The following VOPP1 variants were observed in gnomAD, a reference collection of about 807,000 sequenced individuals.
The protein encoded by VOPP1 is WW domain binding protein VOPP1.
A neutral mutation model predicts 23.5 loss-of-function variants in VOPP1; 8 were observed. The observed-to-expected ratio is 0.34, with a 90% confidence interval of 0.20 to 0.61. The LOEUF (loss-of-function observed/expected upper bound fraction) is 0.61, where lower values mean the gene tolerates loss of function less well. Among genes scored for constraint, VOPP1 ranks in the 20% least tolerant of loss-of-function variants. VOPP1 has a pLI of 0.78. For missense variants in VOPP1, 174 were observed against 238.1 expected, an observed-to-expected ratio of 0.73 and a Z score of 1.77; for synonymous variants, 83 against 97.3, an observed-to-expected ratio of 0.85 and a Z score of 0.86.
At chr7:55,454,839 TATC>T (rs1791327464) in intron 4 of VOPP1, among the ~76,000 whole-genome samples, 1 of 152,150 alleles carries the variant, frequency 6.6e-6, no homozygotes, top group Admixed American at 6.5e-5. Flanking sequence ...CCACAGCCAA[TATC>T]ATACTGAATG....
intron 1 of VOPP1, among the ~76,000 whole-genome samples, chr7:55,548,381 C>T (rs75364776): frequency 3.8e-4 from 58 of 152,350 alleles, no homozygotes; most frequent in African/African-American, 1.3e-3. Context: ...AGTGGCTGAC[C>T]GCCTGGTCCT....
intron 4 of VOPP1, among the ~76,000 whole-genome samples, chr7:55,437,392 C>T (rs772390633): frequency 4.7e-4 from 72 of 152,250 alleles, no homozygotes; most frequent in Non-Finnish European, 9.4e-4. Context: ...CATAGTTTGA[C>T]TGCTTAAAGG....
chr7:55,508,679 C>A (rs1049000274), intron 2 of VOPP1, among the ~76,000 whole-genome samples: 5 of 152,156 alleles, frequency 3.3e-5, no homozygotes, highest in Non-Finnish European at 7.4e-5. Context: ...TCCTGAAAAA[C>A]AATCCTCCTA....
At chr7:55,570,722 A>G (rs1433756612) in intron 1 of VOPP1, among the ~76,000 whole-genome samples, 3 of 152,262 alleles carry the variant, frequency 2.0e-5, no homozygotes, top group African/African-American at 7.2e-5. Context: ...CGGGCGGATC[A>G]CCTGAGGTCA....
chr7:55,460,881 G>T (rs1360783360), intron 4 of VOPP1, among the ~76,000 whole-genome samples: 3 of 152,136 alleles, frequency 2.0e-5, no homozygotes, highest in African/African-American at 7.2e-5. Context: ...TACAAGTGAA[G>T]TGAGTTTCTT....
intron 2 of VOPP1, among the ~76,000 whole-genome samples, chr7:55,499,980 A>T (rs149806357): frequency 6.6e-6 from 1 of 152,208 alleles, no homozygotes; most frequent in Non-Finnish European, 1.5e-5. Context: ...CAGTCGAGGG[A>T]GATGAAGGAC....
Position 55,512,024 on chromosome 7 carries a change from CT to C in VOPP1, c.113+9047del, listed in dbSNP as rs1795102080. On this transcript the variant is annotated intron_variant, in intron 2 of 4. Coordinates refer to ENST00000285279, the MANE Select transcript of VOPP1 (RefSeq NM_030796.5). Reference sequence around the variant, plus strand: ...AAAAACTCCTAAATATAGACACTACCTGTATAAATGAATGATGAGGCATCCC... The same window carrying C: ...AAAAACTCCTAAATATAGACACTACCGTATAAATGAATGATGAGGCATCCC... 2.0e-5 allele frequency among the ~76,000 whole-genome samples: 3 copies of C among 152,172 alleles called. No homozygotes were observed. In the South Asian group the frequency reaches 6.2e-4, roughly 32 times the overall value.
intron 4 of VOPP1, among the ~76,000 whole-genome samples, chr7:55,490,254 C>T (rs1793469798): frequency 6.6e-6 from 1 of 152,090 alleles, no homozygotes; most frequent in Non-Finnish European, 1.5e-5. Context: ...CAGTGGCCAG[C>T]AGGCACTGCT....
intron 2 of VOPP1, among the ~76,000 whole-genome samples, chr7:55,513,270 G>A (rs552134048): frequency 6.7e-4 from 102 of 152,290 alleles, no homozygotes; most frequent in Middle Eastern, 3.4e-3. Flanking sequence ...CCTCCCACTT[G>A]AGTGGTGCTC....
At chr7:55,572,226 T>A in intron 1 of VOPP1, 45 bp downstream of exon 1, 1 of 1,475,914 alleles carries the variant, frequency 6.8e-7, no homozygotes, top group Non-Finnish European at 9.0e-7. Context: ...GCCGCCAGCA[T>A]GGTGGGCGCC....
chr7:55,441,310 T>G (rs1790959438), intron 4 of VOPP1, among the ~76,000 whole-genome samples: 1 of 152,124 alleles, frequency 6.6e-6, no homozygotes, highest in Non-Finnish European at 1.5e-5. Flanking sequence ...CTTGCCCCTC[T>G]CTCCGATTTA....
intron 1 of VOPP1, among the ~76,000 whole-genome samples, chr7:55,551,426 T>G (rs948074822): frequency 6.6e-6 from 1 of 152,030 alleles, no homozygotes; most frequent in African/African-American, 2.4e-5. Context: ...CCCTTCAAAA[T>G]CGGGTTCTGA....
At position 55,572,416 on chromosome 7, in the gene VOPP1, A is replaced by C; in HGVS notation, c.-92T>G. ...CGCGCGGGGCGGGCGGGCAGACTGC[A>C]GCCGGGAGCCGTCCCGCCGACCGCT... On this transcript the variant is annotated 5_prime_UTR_variant, in exon 1 of 5. Transcript: ENST00000285279. 2.2e-6 allele frequency: 2 copies of C among 912,410 alleles called. No individual in the cohort carries two copies. The highest frequency in any genetic ancestry group is 1.0e-4 in the South Asian group (2 of 19,332). The allele number at this position is 912,410 out of a possible 1,614,324, so 56.5% of individuals were successfully genotyped here.
chr7:55,505,004 G>A (rs1794618021), intron 2 of VOPP1, among the ~76,000 whole-genome samples: 1 of 152,166 alleles, frequency 6.6e-6, no homozygotes, highest in South Asian at 2.1e-4. Flanking sequence ...AGGACCTTAT[G>A]CTTATCCATA....
intron 4 of VOPP1, among the ~76,000 whole-genome samples, chr7:55,464,374 G>A (rs1407585955): frequency 6.6e-6 from 1 of 152,150 alleles, no homozygotes; most frequent in Admixed American, 6.5e-5. Flanking sequence ...GGTGGTGATA[G>A]GTGCAGCAGA....
chr7:55,510,036 T>C (rs544461032), intron 2 of VOPP1, among the ~76,000 whole-genome samples: 1 of 152,322 alleles, frequency 6.6e-6, no homozygotes, highest in Non-Finnish European at 1.5e-5. Context: ...CAGGCTGCTA[T>C]TTCTTGTGGC....
intron 1 of VOPP1, among the ~76,000 whole-genome samples, chr7:55,526,074 T>G (rs1796176088): frequency 6.6e-6 from 1 of 152,174 alleles, no homozygotes; most frequent in South Asian, 2.1e-4. Flanking sequence ...TGTGGGATAT[T>G]CCCTCTGTGT....
intron 4 of VOPP1, among the ~76,000 whole-genome samples, chr7:55,478,239 G>A (rs1168849763): frequency 6.6e-6 from 1 of 152,166 alleles, no homozygotes; most frequent in Non-Finnish European, 1.5e-5. Flanking sequence ...TATGGCACAT[G>A]GCTCTGGAAT....
At chr7:55,538,246 T>C (rs1038361949) in intron 1 of VOPP1, among the ~76,000 whole-genome samples, 1 of 152,184 alleles carries the variant, frequency 6.6e-6, no homozygotes, top group Non-Finnish European at 1.5e-5. Context: ...GCAAACACCA[T>C]CCCTTATGCA....
Sources: gnomAD v4.1 joint callset for allele counts (sites outside exome capture counted in the v4.1 genomes callset) on GRCh38, gnomAD v4.1.1 for gene constraint, MANE v1.5 for transcripts, NCBI Gene and HGNC (gene_info 2026-07-23, HGNC 2026-07-21) for gene names.